Variants in NEGR1 observed in about 807,000 individuals in gnomAD.
The protein encoded by NEGR1 is neuronal growth regulator 1.
A neutral mutation model predicts 40.9 loss-of-function variants in NEGR1; 10 were observed. The ratio of observed to expected loss-of-function variants is 0.24; its 90% CI spans 0.15 to 0.42. The LOEUF (loss-of-function observed/expected upper bound fraction) is 0.42. Among genes scored for constraint, NEGR1 ranks in the 10% least tolerant of loss-of-function variants. NEGR1 has a pLI of 1.00. For missense variants in NEGR1, 352 were observed against 438.9 expected, an observed-to-expected ratio of 0.80 and a Z score of 1.77; for synonymous variants, 185 against 166.8, an observed-to-expected ratio of 1.11 and a Z score of -0.84.
intron 2 of NEGR1, among the ~76,000 whole-genome samples, chr1:71,918,854 AAAGTTAGAAGGTC>A (rs1459303508): frequency 1.3e-5 from 2 of 152,166 alleles, no homozygotes; most frequent in African/African-American, 2.4e-5. Flanking sequence ...TATAACCAGC[AAAGTTAGAAGGTC>A]AAGTTTATCG....
At chr1:71,946,355 C>T (rs1446626758) in intron 1 of NEGR1, among the ~76,000 whole-genome samples, 1 of 151,966 alleles carries the variant, frequency 6.6e-6, no homozygotes, top group East Asian at 1.9e-4. Context: ...AAATTATGTA[C>T]ACCTTTGAAC....
chr1:71,709,325 T>G (rs1654004971), intron 3 of NEGR1, among the ~76,000 whole-genome samples: 1 of 152,194 alleles, frequency 6.6e-6, no homozygotes, highest in Non-Finnish European at 1.5e-5. Context: ...TTTTAACTTT[T>G]TAATAATAGC....
At chr1:72,281,430 G>C (rs979130035) in intron 1 of NEGR1, among the ~76,000 whole-genome samples, 11 of 152,052 alleles carry the variant, frequency 7.2e-5, no homozygotes, top group African/African-American at 2.7e-4. Context: ...GAGTTAGTAT[G>C]TTTATGGAAA....
At chr1:71,771,891 G>A (rs1358354650) in intron 3 of NEGR1, among the ~76,000 whole-genome samples, 1 of 151,888 alleles carries the variant, frequency 6.6e-6, no homozygotes, top group Non-Finnish European at 1.5e-5. Context: ...GAGTGCAAAA[G>A]AATCATCAAT....
chr1:71,642,966 A>G (rs1314571671), intron 4 of NEGR1, among the ~76,000 whole-genome samples: 1 of 151,962 alleles, frequency 6.6e-6, no homozygotes, highest in Non-Finnish European at 1.5e-5. Flanking sequence ...AAGTATATTC[A>G]GAAGTGAATA....
intron 4 of NEGR1, among the ~76,000 whole-genome samples, chr1:71,667,565 C>A (rs1652284316): frequency 6.6e-6 from 1 of 151,822 alleles, no homozygotes; most frequent in Non-Finnish European, 1.5e-5. Context: ...AAATGTAGTA[C>A]AGAGTTTCTG....
chr1:71,694,470 A>G (rs1653406891), intron 4 of NEGR1, among the ~76,000 whole-genome samples: 1 of 151,734 alleles, frequency 6.6e-6, no homozygotes, highest in Non-Finnish European at 1.5e-5. Context: ...TTCTATCTAT[A>G]GTAAGGCTTT....
intron 6 of NEGR1, among the ~76,000 whole-genome samples, chr1:71,556,183 T>C (rs1648245773): frequency 1.3e-5 from 2 of 151,674 alleles, no homozygotes; most frequent in African/African-American, 2.4e-5. Flanking sequence ...TAATGCACAA[T>C]AGCAATCTCT....
intron 2 of NEGR1, among the ~76,000 whole-genome samples, chr1:71,810,340 T>C (rs1657950968): frequency 6.6e-6 from 1 of 152,130 alleles, no homozygotes; most frequent in Non-Finnish European, 1.5e-5. Context: ...GAATTGACAG[T>C]ATGGTGTGCC....
chr1:71,855,750 TG>T (rs201280421), intron 2 of NEGR1, among the ~76,000 whole-genome samples: 1 of 119,516 alleles, frequency 8.4e-6, no homozygotes, highest in Admixed American at 7.7e-5. Context: ...AATGTCATCA[TG>T]AAAAAAAATC....
intron 1 of NEGR1, among the ~76,000 whole-genome samples, chr1:72,205,082 C>G (rs1209673679): frequency 1.3e-5 from 2 of 152,048 alleles, no homozygotes; most frequent in African/African-American, 4.8e-5. Flanking sequence ...GTAGGATCTC[C>G]TGTCACAGGA....
chr1:71,685,389 C>T (rs1348455262), intron 4 of NEGR1, among the ~76,000 whole-genome samples: 2 of 146,454 alleles, frequency 1.4e-5, no homozygotes, highest in African/African-American at 5.0e-5. Flanking sequence ...ATGGCATGAT[C>T]TTGGCTCACT....
chr1:72,068,294 T>C (rs1402859844), intron 1 of NEGR1, among the ~76,000 whole-genome samples: 1 of 152,154 alleles, frequency 6.6e-6, no homozygotes. Flanking sequence ...CCAATCTGGT[T>C]GAGCCCTGGC....
intron 6 of NEGR1, among the ~76,000 whole-genome samples, chr1:71,456,960 A>T (rs1458501363): frequency 2.0e-5 from 3 of 152,158 alleles, no homozygotes; most frequent in Non-Finnish European, 4.4e-5. Flanking sequence ...TTAGTCTTGA[A>T]TGTATCCTGT....
chr1:71,581,541 G>T (rs1018295379), intron 6 of NEGR1, among the ~76,000 whole-genome samples: 1 of 152,102 alleles, frequency 6.6e-6, no homozygotes, highest in African/African-American at 2.4e-5. Flanking sequence ...GGAACATCAT[G>T]CATGTCACAT....
chr1:72,208,120 T>A (rs1204310201), intron 1 of NEGR1, among the ~76,000 whole-genome samples: 3 of 151,650 alleles, frequency 2.0e-5, no homozygotes, highest in Non-Finnish European at 4.4e-5. Flanking sequence ...ATAGTACACA[T>A]TAAAGAATGT....
chr1:71,880,533 T>C (rs1049060119), intron 2 of NEGR1, among the ~76,000 whole-genome samples: 1 of 152,072 alleles, frequency 6.6e-6, no homozygotes, highest in African/African-American at 2.4e-5. Context: ...TCTGGATGAA[T>C]TTTCTTTTTG....
At chr1:72,270,209 GTA>G (rs1655795856) in intron 1 of NEGR1, among the ~76,000 whole-genome samples, 1 of 151,832 alleles carries the variant, frequency 6.6e-6, no homozygotes, top group South Asian at 2.1e-4. Flanking sequence ...AGCTGTGAAT[GTA>G]TGTCATATAT....
chr1:71,597,312 A>G (rs1649744328), intron 5 of NEGR1, among the ~76,000 whole-genome samples: 1 of 151,902 alleles, frequency 6.6e-6, no homozygotes, highest in African/African-American at 2.4e-5. Context: ...TACCTCAAGG[A>G]CCATAGTTCT....
Sources: allele counts gnomAD v4.1 joint callset (sites outside exome capture counted in the v4.1 genomes callset), GRCh38; gene constraint gnomAD v4.1.1; transcripts MANE v1.5; gene names NCBI Gene and HGNC (gene_info 2026-07-23, HGNC 2026-07-21).